Variants in SMLR1 observed in about 807,000 individuals in gnomAD.
SMLR1 encodes the protein small leucine rich protein 1.
SMLR1 carries 3 observed loss-of-function variants against 6.1 expected under a neutral mutation model. The observed-to-expected ratio is 0.49, with a 90% CI of 0.22 to 1.28. SMLR1 has a LOEUF of 1.28. SMLR1 is among the 50% of genes most tolerant of loss of function. SMLR1 has a pLI of 0.19. For missense variants in SMLR1, 126 were observed against 124.8 expected, an observed-to-expected ratio of 1.01 and a Z score of -0.05; for synonymous variants, 55 against 53.6, an observed-to-expected ratio of 1.03 and a Z score of -0.11.
In SMLR1 at chr6:130,827,586, T is replaced by A; in HGVS notation, c.173T>A (p.Val58Asp). The change falls in exon 1 of 2, where the codon GTC (valine) becomes GAC (aspartate). Residue 58 changes from valine (V) to aspartate (D), a missense_variant. Transcript: ENST00000541421. ...ELPGWFLFFGVFLPVTLLLLL... is the reference protein window; with the variant it reads ...ELPGWFLFFGDFLPVTLLLLL... Reference sequence around the variant, plus strand: ...CCTGGCTGGTTCCTGTTCTTTGGGGTCTTCCTCCCCGTGACTTTGCTGCTG... The same window carrying A: ...CCTGGCTGGTTCCTGTTCTTTGGGGACTTCCTCCCCGTGACTTTGCTGCTG... The A allele has an allele frequency of 2.6e-6, 4 of 1,535,822 alleles. No homozygotes were observed. The highest frequency in any genetic ancestry group is 3.5e-6 in the Non-Finnish European group (4 of 1,146,826).
intron 1 of SMLR1, among the ~76,000 whole-genome samples, chr6:130,828,881 C>T (rs554065300): frequency 6.6e-6 from 1 of 152,266 alleles, no homozygotes; most frequent in South Asian, 2.1e-4. Flanking sequence ...GTCACCCAGC[C>T]ATTCATTACC....
chr6:130,831,024 G>A (rs139029575), intron 1 of SMLR1, among the ~76,000 whole-genome samples: 260 of 152,204 alleles, frequency 1.7e-3, no homozygotes, highest in African/African-American at 5.8e-3. Flanking sequence ...TTCACTTTAC[G>A]AACTCGCCCT....
At chr6:130,833,212 CA>C (rs1445045221) in intron 1 of SMLR1, among the ~76,000 whole-genome samples, 1 of 152,146 alleles carries the variant, frequency 6.6e-6, no homozygotes, top group African/African-American at 2.4e-5. Context: ...TGGTGCCTAG[CA>C]AAGACACTTA....
In SMLR1 at chr6:130,836,594, A is replaced by G. The variant is rs1218301415; in HGVS notation, c.*1639A>G. On this transcript the variant is annotated 3_prime_UTR_variant, in exon 2 of 2. Transcript: ENST00000541421. ...AGCACCAAGCACTACCAAGTACTTT[A>G]GAACAAGGCCTGTTTCTTTTCTGCC... is the stretch of plus-strand genomic sequence containing the variant. 2.6e-5 allele frequency: 4 copies of G among 152,220 alleles called. No individual in the cohort carries two copies. The highest frequency in any genetic ancestry group is 7.2e-5 in the African/African-American group (3 of 41,472). 9.4% of individuals were successfully genotyped at this position (152,220 alleles called of 1,614,324 possible).
intron 1 of SMLR1, 119 bp from the exon 2 acceptor site, chr6:130,834,751 C>A: frequency 1.4e-6 from 1 of 738,490 alleles, no homozygotes; most frequent in Non-Finnish European, 2.3e-6. Context: ...AAGACCTGGA[C>A]TTCTGTGACT....
At position 130,827,668 on chromosome 6, in the gene SMLR1, A is replaced by T; in HGVS notation, c.238+17A>T. 3.3e-6 allele frequency: 5 copies of T among 1,525,236 alleles called. No homozygotes were observed. Among genetic ancestry groups the T allele is most frequent in the Non-Finnish European group, 4.4e-6 (5 of 1,137,136 alleles). The allele number at this position is 1,525,236 out of a possible 1,614,324, so 94.5% of individuals were successfully genotyped here. On this transcript the variant is annotated intron_variant, in intron 1 of 1. Transcript: ENST00000541421. ...TGATTGAGGGTAAGTGTGAGGCCAC[A>T]CAAGGAAGAACTTGGGCATCCTTTC...
chr6:130,829,033 C>A (rs558218813), intron 1 of SMLR1, among the ~76,000 whole-genome samples: 3 of 152,230 alleles, frequency 2.0e-5, no homozygotes, highest in Non-Finnish European at 4.4e-5. Flanking sequence ...ACACTCACTG[C>A]ATCTCAGCCT....
intron 1 of SMLR1, among the ~76,000 whole-genome samples, chr6:130,831,255 C>A (rs1458136185): frequency 6.6e-6 from 1 of 152,204 alleles, no homozygotes. Flanking sequence ...GATGGGCAAG[C>A]TGCACTATAC....
chr6:130,834,626 T>C (rs1017711437), intron 1 of SMLR1, among the ~76,000 whole-genome samples: 1 of 152,162 alleles, frequency 6.6e-6, no homozygotes, highest in Admixed American at 6.6e-5. Context: ...ACAATTCTCA[T>C]TACAGTGGTA....
At chr6:130,830,875 G>T (rs960469767) in intron 1 of SMLR1, among the ~76,000 whole-genome samples, 4 of 152,026 alleles carry the variant, frequency 2.6e-5, no homozygotes, top group Admixed American at 6.5e-5. Flanking sequence ...CTAAAAAGGG[G>T]TGGCATAAAT....
At chr6:130,830,275 C>T (rs1774400107) in intron 1 of SMLR1, among the ~76,000 whole-genome samples, 1 of 152,090 alleles carries the variant, frequency 6.6e-6, no homozygotes, top group African/African-American at 2.4e-5. Context: ...GGGGCACCCC[C>T]AGCCAGGTTA....
intron 1 of SMLR1, among the ~76,000 whole-genome samples, chr6:130,830,198 T>C (rs977530885): frequency 6.6e-6 from 1 of 152,266 alleles, no homozygotes; most frequent in Middle Eastern, 3.4e-3. Flanking sequence ...GCTATAATAA[T>C]AACCTGGACT....
Position 130,827,518 on chromosome 6 carries a change from G to C in SMLR1, c.105G>C (p.Trp35Cys), listed in dbSNP as rs768036155. The C allele has an allele frequency of 6.5e-7, 1 of 1,536,026 alleles. No individual in the cohort carries two copies. Among genetic ancestry groups the C allele is most frequent in the South Asian group, 1.2e-5 (1 of 84,046 alleles). The stretch of plus-strand genomic sequence containing the variant: ...CCATGGTCCCCGTGGGGTCTGTGTG[G>C]TTGGCAATGAGCTCTGTGCTGTCAG... ...VTPMVPVGSV[W>C]LAMSSVLSAF... Residue 35 changes from tryptophan to cysteine, a missense_variant, in exon 1 of 2, where the codon TGG becomes TGC. Trp to Cys is a radical substitution (Grantham distance 215). Coordinates refer to ENST00000541421, the MANE Select transcript of SMLR1 (RefSeq NM_001195597.2).
At chr6:130,828,884 T>C (rs1296422980) in intron 1 of SMLR1, among the ~76,000 whole-genome samples, 1 of 152,156 alleles carries the variant, frequency 6.6e-6, no homozygotes, top group Non-Finnish European at 1.5e-5. Flanking sequence ...ACCCAGCCAT[T>C]CATTACCACT....
intron 1 of SMLR1, among the ~76,000 whole-genome samples, chr6:130,833,902 T>C (rs368192558): frequency 1.1e-4 from 17 of 152,156 alleles, no homozygotes; most frequent in Middle Eastern, 6.8e-3. Flanking sequence ...ATGTATCAAG[T>C]AAGGGATAAA....
At chr6:130,827,748 A>G in intron 1 of SMLR1, 97 bp downstream of exon 1, 1 of 824,844 alleles carries the variant, frequency 1.2e-6, no homozygotes, top group South Asian at 1.7e-5. Context: ...TGGCCAGGAG[A>G]AACATATATA....
chr6:130,834,774 C>A, intron 1 of SMLR1, 96 bp from the exon 2 acceptor site: 1 of 984,938 alleles, frequency 1.0e-6, no homozygotes. Flanking sequence ...CCAAGGCCAC[C>A]AGTGTCAGAT....
intron 1 of SMLR1, among the ~76,000 whole-genome samples, chr6:130,829,966 AT>A (rs1247520829): frequency 7.2e-5 from 11 of 152,316 alleles, no homozygotes; most frequent in Non-Finnish European, 1.6e-4. Context: ...GATAGCGATA[AT>A]TCTCATTCAT....
rs947071088 is a variant in SMLR1, at chr6:130,835,402, GCAAGAATATTTC to G, written c.*450_*461del. 6.5e-6 allele frequency: 1 copy of G among 154,640 alleles called. No individual in the cohort carries two copies. Among genetic ancestry groups the G allele is most frequent in the Non-Finnish European group, 1.4e-5 (1 of 69,548 alleles). 9.6% of individuals were successfully genotyped at this position (154,640 alleles called of 1,614,324 possible). A position where few individuals can be genotyped will look rare whatever the true frequency, so the allele number is the denominator to read the frequency against. On this transcript the variant is annotated 3_prime_UTR_variant, in exon 2 of 2. Coordinates refer to ENST00000541421, the MANE Select transcript of SMLR1 (RefSeq NM_001195597.2). ...GGAGAGAGCTCAGTAGATTCCATATGCAAGAATATTTCCACGTTCTTCTTGCAGTTCAGCAAC... is the reference window on the plus strand; with the variant it reads ...GGAGAGAGCTCAGTAGATTCCATATGCACGTTCTTCTTGCAGTTCAGCAAC...
Sources: allele counts gnomAD v4.1 joint callset (sites outside exome capture counted in the v4.1 genomes callset), GRCh38; gene constraint gnomAD v4.1.1; transcripts MANE v1.5; gene names NCBI Gene and HGNC (gene_info 2026-07-23, HGNC 2026-07-21).